Variants in RAB28 observed in about 807,000 individuals in gnomAD.
RAB28 encodes RAB28, member RAS oncogene family, also known as ras-related protein Rab-28.
In RAB28, 24 loss-of-function variants were observed where a neutral mutation model predicts 31.7. That is an observed-to-expected ratio of 0.76 (90% CI 0.55 to 1.06). The LOEUF (loss-of-function observed/expected upper bound fraction) is 1.06, where lower values mean the gene tolerates loss of function less well. RAB28 is among the 50% of genes least tolerant of loss of function. The probability of loss-of-function intolerance (pLI) is 0.00; values close to 1 mark genes in which losing one functional copy is unlikely to be tolerated. For missense variants in RAB28, 254 were observed against 258.5 expected, an observed-to-expected ratio of 0.98 and a Z score of 0.12; for synonymous variants, 100 against 90.4, an observed-to-expected ratio of 1.11 and a Z score of -0.60.
chr4:13,467,706 C>G (rs772397431), intron 3 of RAB28, among the ~76,000 whole-genome samples: 1 of 151,662 alleles, frequency 6.6e-6, no homozygotes, highest in African/African-American at 2.4e-5. Flanking sequence ...CCAGAGAAAG[C>G]AGAAAAAGAG....
intron 4 of RAB28, among the ~76,000 whole-genome samples, chr4:13,408,637 GA>G (rs1190056131): frequency 1.3e-5 from 2 of 151,908 alleles, no homozygotes; most frequent in Admixed American, 6.6e-5. Context: ...ATCCTTGAGG[GA>G]AAAAATTGCA....
intron 4 of RAB28, among the ~76,000 whole-genome samples, chr4:13,390,796 C>T (rs966981368): frequency 4.6e-5 from 7 of 152,186 alleles, no homozygotes; most frequent in African/African-American, 7.2e-5. Flanking sequence ...CAAAAACAAG[C>T]AATGGGGAAA....
chr4:13,394,725 C>T (rs777669573), intron 4 of RAB28, among the ~76,000 whole-genome samples: 25 of 152,046 alleles, frequency 1.6e-4, no homozygotes, highest in Non-Finnish European at 3.4e-4. Context: ...GAGGATATTA[C>T]TCAAATACAA....
At chr4:13,422,473 C>T (rs1337651932) in intron 4 of RAB28, among the ~76,000 whole-genome samples, 1 of 152,150 alleles carries the variant, frequency 6.6e-6, no homozygotes, top group African/African-American at 2.4e-5. Flanking sequence ...GCACTATTCA[C>T]AATAGCAAAG....
intron 6 of RAB28, chr4:13,371,395 T>A: frequency 2.0e-6 from 2 of 985,336 alleles, no homozygotes. Flanking sequence ...GATGGGATTT[T>A]CATAATCAGT....
intron 4 of RAB28, among the ~76,000 whole-genome samples, chr4:13,433,924 A>G (rs888902777): frequency 5.3e-5 from 8 of 152,170 alleles, no homozygotes; most frequent in Non-Finnish European, 8.8e-5. Flanking sequence ...ATGCCCATCA[A>G]TGGTGGACTG....
intron 4 of RAB28, among the ~76,000 whole-genome samples, chr4:13,411,171 C>G (rs1488369445): frequency 1.3e-5 from 2 of 151,998 alleles, no homozygotes; most frequent in East Asian, 3.9e-4. Flanking sequence ...CAAAACACAA[C>G]AGAACAATGA....
chr4:13,384,513 T>A (rs1183738609), intron 4 of RAB28, among the ~76,000 whole-genome samples: 6 of 152,208 alleles, frequency 3.9e-5, no homozygotes, highest in Non-Finnish European at 7.3e-5. Flanking sequence ...ACCAGCACAG[T>A]GGGTTCCTAA....
chr4:13,458,834 G>T (rs957416426), intron 4 of RAB28, among the ~76,000 whole-genome samples: 8 of 152,226 alleles, frequency 5.3e-5, no homozygotes, highest in Admixed American at 5.2e-4. Flanking sequence ...GCTTAGGTGT[G>T]TAGTTGGCCA....
At chr4:13,375,768 A>ACACACACACACACACACACACACACACAC (rs1728894857) in intron 6 of RAB28, among the ~76,000 whole-genome samples, 1 of 148,068 alleles carries the variant, frequency 6.8e-6, no homozygotes, top group African/African-American at 2.5e-5. Flanking sequence ...ATTGTTTTAA[A>ACACACACACACACACACACACACACACAC]ACACACACAC....
intron 4 of RAB28, chr4:13,459,590 T>C (rs1715481026): frequency 4.2e-6 from 1 of 236,798 alleles, no homozygotes; most frequent in Admixed American, 6.5e-5. Context: ...ATAATTTTTC[T>C]CTGCTATCTA....
chr4:13,403,520 CT>C (rs1711900668), intron 4 of RAB28, among the ~76,000 whole-genome samples: 1 of 152,158 alleles, frequency 6.6e-6, no homozygotes, highest in African/African-American at 2.4e-5. Flanking sequence ...AGACTATTTG[CT>C]AACTTCAGCA....
chr4:13,415,775 G>A (rs372987853), intron 4 of RAB28, among the ~76,000 whole-genome samples: 6 of 152,164 alleles, frequency 3.9e-5, no homozygotes, highest in South Asian at 2.1e-4. Flanking sequence ...GCGGGCGCAC[G>A]GCATGGGACT....
chr4:13,459,724 G>T (rs756649167), intron 4 of RAB28: 38 of 1,009,938 alleles, frequency 3.8e-5, no homozygotes, highest in Non-Finnish European at 4.3e-5. Flanking sequence ...CAAAAATTTA[G>T]AAGAGGAAGT....
chr4:13,474,473 A>G (rs1716260293), intron 2 of RAB28, 67 bp from the exon 3 acceptor site: 1 of 916,818 alleles, frequency 1.1e-6, no homozygotes, highest in East Asian at 2.6e-5. Context: ...ACAACAAGTG[A>G]CACAGTATCA....
chr4:13,377,056 T>A (rs1000221658), intron 5 of RAB28, among the ~76,000 whole-genome samples: 5 of 152,186 alleles, frequency 3.3e-5, no homozygotes, highest in Non-Finnish European at 1.5e-5. Context: ...CAAAAGGTCT[T>A]AGTTTCTAAC....
chr4:13,436,680 A>C (rs1714130893), intron 4 of RAB28, among the ~76,000 whole-genome samples: 1 of 152,214 alleles, frequency 6.6e-6, no homozygotes, highest in East Asian at 1.9e-4. Context: ...GAAAACTACA[A>C]AACACTGCTA....
At chr4:13,388,164 G>A (rs965403714) in intron 4 of RAB28, among the ~76,000 whole-genome samples, 1 of 151,884 alleles carries the variant, frequency 6.6e-6, no homozygotes, top group Non-Finnish European at 1.5e-5. Context: ...ACATTTTATT[G>A]GTTTAAAATG....
At chr4:13,465,294 C>G (rs1715784476) in intron 3 of RAB28, among the ~76,000 whole-genome samples, 1 of 151,354 alleles carries the variant, frequency 6.6e-6, no homozygotes, top group Non-Finnish European at 1.5e-5. Context: ...TTAAGAATCT[C>G]AGAGAACACC....
Sources: allele counts gnomAD v4.1 joint callset (sites outside exome capture counted in the v4.1 genomes callset), GRCh38; gene constraint gnomAD v4.1.1; transcripts MANE v1.5; gene names NCBI Gene and HGNC (gene_info 2026-07-23, HGNC 2026-07-21).